ATXN1: variants seen among roughly 807,000 people sequenced by gnomAD.
ATXN1 encodes the protein ataxin-1.
In ATXN1, 8 loss-of-function variants were observed where a neutral mutation model predicts 56.4. The ratio of observed to expected loss-of-function variants is 0.14; its 90% CI spans 0.08 to 0.26. The LOEUF (loss-of-function observed/expected upper bound fraction) is 0.26, where lower values mean the gene tolerates loss of function less well. Among genes scored for constraint, ATXN1 ranks in the 10% least tolerant of loss-of-function variants. The probability of loss-of-function intolerance (pLI) is 1.00; values close to 1 mark genes in which losing one functional copy is unlikely to be tolerated. For missense variants in ATXN1, 987 were observed against 1,106.5 expected (o/e 0.89, Z 1.53); for synonymous variants, 514 against 494.6 (o/e 1.04, Z -0.52).
rs781218182 is a variant in ATXN1 at position 16,306,293 on chromosome 6, A to G, written c.*36T>C. On this transcript the variant is annotated 3_prime_UTR_variant, in exon 8 of 8. Coordinates refer to ENST00000436367, the MANE Select transcript of ATXN1 (RefSeq NM_001128164.2). This position sits in a 1 kb window ranked among gnomAD's most constrained non-coding sequence, Gnocchi z 5.2. ...GTACAGTAATCTGGATACAAATGAT[A>G]AGGGAGAGCCACGTTTCCTTTCCCC... is the stretch of plus-strand genomic sequence containing the variant. 6.4e-7 allele frequency: 1 copy of G among 1,558,344 alleles called. No individual in the cohort carries two copies. The highest frequency in any genetic ancestry group is 1.8e-5 in the Admixed American group (1 of 54,382).
At chr6:16,545,168 T>C (rs898900642) in intron 4 of ATXN1, among the ~76,000 whole-genome samples, 6 of 152,208 alleles carry the variant, frequency 3.9e-5, no homozygotes, top group Non-Finnish European at 8.8e-5. Flanking sequence ...GTTTCATAAT[T>C]CACGTTTGAT....
Position 16,411,787 on chromosome 6 carries a change from T to C in ATXN1, c.-161+74185A>G, listed in dbSNP as rs372117954. Among the ~76,000 whole-genome samples the C allele has an allele frequency of 5.9e-5, 9 of 152,368 alleles. No homozygotes were observed. In the East Asian group the frequency reaches 1.5e-3, roughly 26 times the overall value. ...CCAGTCATTCACAGCCCTGTTGAGA[T>C]ATACCTTCATGCCTAATTCCTTCAC... On this transcript the variant is annotated intron_variant, in intron 6 of 7. Transcript: ENST00000436367.
At chr6:16,392,888 A>G (rs576070871) in intron 6 of ATXN1, among the ~76,000 whole-genome samples, 1 of 152,354 alleles carries the variant, frequency 6.6e-6, no homozygotes, top group African/African-American at 2.4e-5. Flanking sequence ...TAAACTTGTT[A>G]CAAATGCAAA....
chr6:16,754,906 CTTT>C (rs1368343330), intron 1 of ATXN1, among the ~76,000 whole-genome samples: 1 of 152,132 alleles, frequency 6.6e-6, no homozygotes, highest in Non-Finnish European at 1.5e-5. Flanking sequence ...CTTAGTACTT[CTTT>C]AAGGATGAGG....
chr6:16,347,095 G>A (rs965637567), intron 6 of ATXN1, among the ~76,000 whole-genome samples: 4 of 152,232 alleles, frequency 2.6e-5, no homozygotes, highest in African/African-American at 4.8e-5. Flanking sequence ...CTCGGGACCT[G>A]CAGCCCGCCA....
At chr6:16,348,780 G>A (rs921403704) in intron 6 of ATXN1, among the ~76,000 whole-genome samples, 1 of 152,152 alleles carries the variant, frequency 6.6e-6, no homozygotes, top group Admixed American at 6.5e-5. Flanking sequence ...TGCCTAGCAT[G>A]CAAGCAGGCA....
At chr6:16,523,691 T>C (rs564188431) in intron 4 of ATXN1, among the ~76,000 whole-genome samples, 6 of 152,274 alleles carry the variant, frequency 3.9e-5, no homozygotes, top group African/African-American at 1.4e-4. Context: ...TATGGGAATG[T>C]GGACTTGGCA....
At position 16,515,403 on chromosome 6, in the gene ATXN1, C is replaced by A. The variant is rs192601749; in HGVS notation, c.-299+7224G>T. 1.5e-3 allele frequency among the ~76,000 whole-genome samples: 234 copies of A among 152,304 alleles called. 1 individual carries two copies. Among genetic ancestry groups the A allele is most frequent in the Non-Finnish European group, 3.1e-3 (208 of 68,022 alleles). ...GCACTGCCCATTTACACAGTGACCA[C>A]TCCTCCCTCCCTACCACTACCACCC... On this transcript the variant is annotated intron_variant, in intron 5 of 7. Coordinates refer to ENST00000436367, the MANE Select transcript of ATXN1 (RefSeq NM_001128164.2).
At chr6:16,316,037 T>G (rs1331631244) in intron 7 of ATXN1, among the ~76,000 whole-genome samples, 1 of 152,164 alleles carries the variant, frequency 6.6e-6, no homozygotes, top group African/African-American at 2.4e-5. Context: ...CCAGTAGCAG[T>G]CCATGGCCTG....
Position 16,424,317 on chromosome 6 carries a change from T to C in ATXN1, c.-161+61655A>G, listed in dbSNP as rs148090020. The stretch of plus-strand genomic sequence containing the variant: ...TGCATGCGCATGAATGGAGCCTGCG[T>C]GCACAAACATTCGGTGATTTGGAGC... On this transcript the variant is annotated intron_variant, in intron 6 of 7. Coordinates refer to ENST00000436367, the MANE Select transcript of ATXN1 (RefSeq NM_001128164.2). 1.8e-4 allele frequency among the ~76,000 whole-genome samples: 28 copies of C among 152,314 alleles called. 1 individual carries two copies. The East Asian group carries it at 5.4e-3, about 29-fold the overall frequency.
At chr6:16,502,479 G>A (rs1261125087) in intron 5 of ATXN1, among the ~76,000 whole-genome samples, 1 of 152,144 alleles carries the variant, frequency 6.6e-6, no homozygotes, top group Non-Finnish European at 1.5e-5. Flanking sequence ...AACTGAACAT[G>A]TACATATGCT....
intron 2 of ATXN1, among the ~76,000 whole-genome samples, chr6:16,731,251 AC>A (rs1264148463): frequency 1.3e-5 from 2 of 151,936 alleles, no homozygotes; most frequent in Non-Finnish European, 2.9e-5. Flanking sequence ...ACTGCACTAG[AC>A]CCCGTTCTAA....
intron 3 of ATXN1, among the ~76,000 whole-genome samples, chr6:16,626,118 T>TTTTGCCTGATCGC (rs1763402106): frequency 6.6e-6 from 1 of 152,196 alleles, no homozygotes; most frequent in African/African-American, 2.4e-5. Context: ...CCCCAGTGCC[T>TTTTGCCTGATCGC]AGTACAACGC....
At chr6:16,362,442 T>C (rs1761828677) in intron 6 of ATXN1, among the ~76,000 whole-genome samples, 1 of 152,108 alleles carries the variant, frequency 6.6e-6, no homozygotes, top group African/African-American at 2.4e-5. Context: ...CTCACACTCC[T>C]CCTGTTCCTG....
intron 4 of ATXN1, among the ~76,000 whole-genome samples, chr6:16,578,300 A>C (rs72825529): frequency 0.023 from 3,515 of 152,298 alleles, 60 homozygotes; most frequent in Non-Finnish European, 0.034. Context: ...AGGATTTCTA[A>C]CTATGTTGAC....
In ATXN1 at chr6:16,735,829, G is replaced by GA. The variant is rs950422961; in HGVS notation, c.-615+17403dup. On this transcript the variant is annotated intron_variant, in intron 2 of 7. Coordinates refer to ENST00000436367, the MANE Select transcript of ATXN1 (RefSeq NM_001128164.2). ...CAGTGCGAGACTCCATCTCAAAAAA[G>GA]AAAAAAAAACTGTCCCTCAAATAAT... is the stretch of plus-strand genomic sequence containing the variant. Among the ~76,000 whole-genome samples the GA allele has an allele frequency of 3.4e-4, 51 of 148,968 alleles. 1 individual carries two copies. Among genetic ancestry groups the GA allele is most frequent in the African/African-American group, 1.1e-3 (43 of 40,598 alleles).
intron 6 of ATXN1, among the ~76,000 whole-genome samples, chr6:16,395,512 A>G (rs1222428939): frequency 2.0e-5 from 3 of 152,140 alleles, no homozygotes; most frequent in African/African-American, 2.4e-5. Flanking sequence ...TAGCTGTCCA[A>G]TGTAATAGTG....
intron 6 of ATXN1, among the ~76,000 whole-genome samples, chr6:16,461,228 C>T (rs1385432880): frequency 6.6e-6 from 1 of 152,208 alleles, no homozygotes; most frequent in Non-Finnish European, 1.5e-5. Flanking sequence ...ACTCCCTGAT[C>T]GAAACAGAAT....
rs536849071 is a variant in ATXN1 at position 16,715,183 on chromosome 6, C to A, written c.-615+38050G>T. Reference sequence around the variant, plus strand: ...TGCATATGCCACATCCGCTAAAAATCATTACAATAGCTTCTATTTAAACAT... The same window carrying A: ...TGCATATGCCACATCCGCTAAAAATAATTACAATAGCTTCTATTTAAACAT... On this transcript the variant is annotated intron_variant, in intron 2 of 7. Coordinates refer to ENST00000436367, the MANE Select transcript of ATXN1 (RefSeq NM_001128164.2). Among the ~76,000 whole-genome samples the A allele has an allele frequency of 1.7e-4, 26 of 152,308 alleles. No homozygotes were observed. In the South Asian group the frequency reaches 5.4e-3, roughly 32 times the overall value.
Sources: gnomAD v4.1 joint callset for allele counts (sites outside exome capture counted in the v4.1 genomes callset) on GRCh38, gnomAD v4.1.1 for gene constraint, Gnocchi (gnomAD v3.1) non-coding constraint, MANE v1.5 for transcripts, NCBI Gene and HGNC (gene_info 2026-07-23, HGNC 2026-07-21) for gene names.